The following RIMBP2 variants were observed in gnomAD, a reference collection of about 807,000 sequenced individuals.
RIMBP2 encodes the protein RIMS binding protein 2.
A neutral mutation model predicts 118.6 loss-of-function variants in RIMBP2; 48 were observed. The ratio of observed to expected loss-of-function variants is 0.40; its 90% CI spans 0.32 to 0.51. The LOEUF is 0.51. Among genes scored for constraint, RIMBP2 ranks in the 20% least tolerant of loss-of-function variants. The pLI is 0.41. For missense variants in RIMBP2, 1,551 were observed against 1,768.3 expected, an observed-to-expected ratio of 0.88 and a Z score of 2.20; for synonymous variants, 762 against 742.9, an observed-to-expected ratio of 1.03 and a Z score of -0.42.
At chr12:130,495,467 G>A (rs561199521) in intron 4 of RIMBP2, among the ~76,000 whole-genome samples, 9 of 152,256 alleles carry the variant, frequency 5.9e-5, no homozygotes, top group South Asian at 2.1e-4. Context: ...GGTGCCCTGC[G>A]CTCCCCTCTC....
chr12:130,714,988 G>C (rs1950228187), intron 1 of RIMBP2, among the ~76,000 whole-genome samples: 2 of 152,160 alleles, frequency 1.3e-5, no homozygotes, highest in South Asian at 4.1e-4. Flanking sequence ...CTGCACGCCA[G>C]CTCCCCTCCC....
At chr12:130,615,000 C>T (rs1265599230) in intron 2 of RIMBP2, among the ~76,000 whole-genome samples, 1 of 148,904 alleles carries the variant, frequency 6.7e-6, no homozygotes, top group Admixed American at 6.7e-5. Flanking sequence ...GCTTGGACAG[C>T]TCCCCATTTG....
At position 130,703,168 on chromosome 12, in the gene RIMBP2, G is replaced by A. The variant is rs1323879240; in HGVS notation, c.-352+13054C>T. On this transcript the variant is annotated intron_variant, in intron 1 of 22. Transcript: ENST00000690449. This position sits in a 1 kb window ranked among gnomAD's most constrained non-coding sequence, Gnocchi z 5.7. ...GGAGATAATTGCAGTTGCCAAAGTG[G>A]TCCGGCCTCCTAGCATGGGGGCAGC... Among the ~76,000 whole-genome samples, 1 of 152,104 alleles carries A rather than the reference G, an allele frequency of 6.6e-6. No homozygotes were observed. The highest frequency in any genetic ancestry group is 2.4e-5 in the African/African-American group (1 of 41,414).
chr12:130,647,094 T>C (rs904785726), intron 1 of RIMBP2, among the ~76,000 whole-genome samples: 4 of 152,184 alleles, frequency 2.6e-5, no homozygotes, highest in African/African-American at 9.7e-5. Context: ...TCACGGGGAA[T>C]TCCAGGCACC....
chr12:130,463,682 T>A (rs1295759466), intron 6 of RIMBP2, among the ~76,000 whole-genome samples: 1 of 152,012 alleles, frequency 6.6e-6, no homozygotes, highest in East Asian at 1.9e-4. Flanking sequence ...ACCGGGTCAC[T>A]TGACTTAGTG....
chr12:130,558,378 C>T (rs1266946967), intron 2 of RIMBP2, among the ~76,000 whole-genome samples: 1 of 152,174 alleles, frequency 6.6e-6, no homozygotes, highest in Non-Finnish European at 1.5e-5. Context: ...AGACACACCT[C>T]TCTCTGCAAA....
intron 3 of RIMBP2, among the ~76,000 whole-genome samples, chr12:130,506,983 T>G (rs182901786): frequency 1.3e-4 from 20 of 152,152 alleles, no homozygotes; most frequent in South Asian, 8.3e-4. Context: ...TCTTCCTCCC[T>G]CCCACCTCCA....
chr12:130,646,069 C>CA (rs1282215032), intron 1 of RIMBP2, among the ~76,000 whole-genome samples: 3 of 134,642 alleles, frequency 2.2e-5, no homozygotes, highest in African/African-American at 7.8e-5. Flanking sequence ...CCACCTGCCT[C>CA]TCCACCTCCC....
rs1474339421 is a variant in RIMBP2, at chr12:130,434,237, T to C, written c.2253+497A>G. ...GGCATTTCCATTAGAATATGCACGA[T>C]CGGAAATTAGACAGAAACCCCAAAC... is the stretch of plus-strand genomic sequence containing the variant. On this transcript the variant is annotated intron_variant, in intron 14 of 22. Coordinates refer to ENST00000690449, the MANE Select transcript of RIMBP2 (RefSeq NM_001393629.1). This position sits in a 1 kb window ranked among gnomAD's most constrained non-coding sequence, Gnocchi z 5.7. Among the ~76,000 whole-genome samples the C allele has an allele frequency of 6.6e-6, 1 of 152,148 alleles. No homozygotes were observed. Among genetic ancestry groups the C allele is most frequent in the African/African-American group, 2.4e-5 (1 of 41,440 alleles).
At chr12:130,405,959 C>G (rs1357699314) in intron 21 of RIMBP2, among the ~76,000 whole-genome samples, 1 of 152,098 alleles carries the variant, frequency 6.6e-6, no homozygotes, top group Non-Finnish European at 1.5e-5. Context: ...CTAGTATTAG[C>G]AAGGAAGAAA....
intron 2 of RIMBP2, among the ~76,000 whole-genome samples, chr12:130,555,241 T>C (rs1457221877): frequency 1.3e-5 from 2 of 152,166 alleles, no homozygotes; most frequent in African/African-American, 2.4e-5. Flanking sequence ...AAACAGCTTA[T>C]GTTGAACAAT....
intron 4 of RIMBP2, among the ~76,000 whole-genome samples, chr12:130,504,507 C>T (rs1486422892): frequency 2.6e-5 from 4 of 152,082 alleles, no homozygotes; most frequent in East Asian, 1.9e-4. Flanking sequence ...GCTGCATCGC[C>T]GGCTTTGAAG....
chr12:130,439,080 A>T (rs2137081428), intron 11 of RIMBP2, among the ~76,000 whole-genome samples: 1 of 152,104 alleles, frequency 6.6e-6, no homozygotes, highest in African/African-American at 2.4e-5. Context: ...AAACTGAAAG[A>T]TGAAGAGACC....
chr12:130,461,854 C>T (rs2080025083), intron 6 of RIMBP2, among the ~76,000 whole-genome samples: 1 of 152,202 alleles, frequency 6.6e-6, no homozygotes, highest in Non-Finnish European at 1.5e-5. Context: ...GACCATCAGC[C>T]AGTGACTCCT....
At chr12:130,501,514 T>G (rs1439293407) in intron 4 of RIMBP2, among the ~76,000 whole-genome samples, 2 of 152,254 alleles carry the variant, frequency 1.3e-5, no homozygotes, top group Non-Finnish European at 2.9e-5. Flanking sequence ...CGCACCGCAG[T>G]GCCATGTCAG....
In RIMBP2 at chr12:130,502,883, C is replaced by T. The variant is rs532993664; in HGVS notation, c.-4+3765G>A. On this transcript the variant is annotated intron_variant, in intron 4 of 22. Transcript: ENST00000690449. The stretch of plus-strand genomic sequence containing the variant: ...CCACGTGTGTCTCACTATATAGATC[C>T]CTGTTTAGGTGCACCGATGTACCCC... 7.0e-4 allele frequency among the ~76,000 whole-genome samples: 106 copies of T among 152,148 alleles called. 1 individual carries two copies. Among genetic ancestry groups the T allele is most frequent in the African/African-American group, 2.5e-3 (102 of 41,520 alleles).
Position 130,442,364 on chromosome 12 carries a change from C to T in RIMBP2, c.988G>A (p.Val330Ile). 1 of 1,614,210 alleles carries T rather than the reference C, an allele frequency of 6.2e-7. No individual in the cohort carries two copies. The highest frequency in any genetic ancestry group is 2.2e-5 in the East Asian group (1 of 44,872). Residue 330 changes from valine to isoleucine, a missense_variant, in exon 11 of 23, where the codon GTT (valine) becomes ATT (isoleucine). Physicochemically the swap from Val to Ile is conservative, Grantham distance 29. Transcript: ENST00000690449. The surrounding 1 kb of genome is among the most constrained non-coding windows in gnomAD (Gnocchi z 6.9). ...GCCGGGGGCTCCCAGCCCACAATAA[C>T]ACTTTTGGCGAGTTGTTTGATGAGG... is the stretch of plus-strand genomic sequence containing the variant. ...ITLIKQLAKSVIVGWEPPAVP... is the reference protein window; with the variant it reads ...ITLIKQLAKSIIVGWEPPAVP...
In RIMBP2 at chr12:130,405,049, T is replaced by C. The variant is rs960339619; in HGVS notation, c.3765+1123A>G. On this transcript the variant is annotated intron_variant, in intron 21 of 22. Transcript: ENST00000690449. ...AAATGGTAGATACTTGAGATTTACA[T>C]GTGGAAAGTGAAACTATAAAATTGA... 3.9e-5 allele frequency among the ~76,000 whole-genome samples: 6 copies of C among 152,328 alleles called. No individual in the cohort carries two copies. In the South Asian group the frequency reaches 8.3e-4, roughly 21 times the overall value.
At chr12:130,476,938 C>A (rs1015088364) in intron 5 of RIMBP2, among the ~76,000 whole-genome samples, 1 of 152,194 alleles carries the variant, frequency 6.6e-6, no homozygotes, top group Non-Finnish European at 1.5e-5. Flanking sequence ...GTGCAACGAC[C>A]ACCCACGTGG....
Sources: gnomAD v4.1 joint callset for allele counts (sites outside exome capture counted in the v4.1 genomes callset) on GRCh38, gnomAD v4.1.1 for gene constraint, Gnocchi (gnomAD v3.1) non-coding constraint, MANE v1.5 for transcripts, NCBI Gene and HGNC (gene_info 2026-07-23, HGNC 2026-07-21) for gene names.